Variants in CCSER1 observed in about 807,000 individuals in gnomAD.
The protein encoded by CCSER1 is serine-rich coiled-coil domain-containing protein 1.
Under a neutral mutation model 82.0 loss-of-function variants are expected in CCSER1, and 41 were observed. The observed-to-expected ratio is 0.50, with a 90% confidence interval of 0.39 to 0.65. The LOEUF (loss-of-function observed/expected upper bound fraction) is 0.65, where lower values mean the gene tolerates loss of function less well. Among genes scored for constraint, CCSER1 ranks in the 30% least tolerant of loss-of-function variants. The probability of loss-of-function intolerance (pLI) is 0.00; values close to 1 mark genes in which losing one functional copy is unlikely to be tolerated. For synonymous variants in CCSER1, 414 were observed against 383.9 expected, an observed-to-expected ratio of 1.08 and a Z score of -0.92; for missense variants, 1,119 against 1,064.2, an observed-to-expected ratio of 1.05 and a Z score of -0.72.
rs146115849 is a variant in CCSER1 at position 91,317,439 on chromosome 4, C to G, written c.2217+231445C>G. ...ATTTAAAATTATAAGCTACACCCTC[C>G]CCATTCTCTTTCACCTTGCCCCACT... is the stretch of plus-strand genomic sequence containing the variant. On this transcript the variant is annotated intron_variant, in intron 10 of 10. Transcript: ENST00000509176. Among the ~76,000 whole-genome samples the G allele has an allele frequency of 3.7e-3, 558 of 152,032 alleles. 3 individuals carry two copies. The highest frequency in any genetic ancestry group is 0.013 in the African/African-American group (520 of 41,506).
chr4:91,267,301 G>A (rs1741673791), intron 10 of CCSER1, among the ~76,000 whole-genome samples: 1 of 151,750 alleles, frequency 6.6e-6, no homozygotes, highest in Non-Finnish European at 1.5e-5. Context: ...TTTTGGGGGG[G>A]TTCTTTTCTC....
At chr4:90,708,603 T>G (rs1257479337) in intron 6 of CCSER1, among the ~76,000 whole-genome samples, 1 of 152,178 alleles carries the variant, frequency 6.6e-6, no homozygotes, top group Admixed American at 6.6e-5. Context: ...ATCAACATAG[T>G]CACTTAGGTC....
chr4:91,215,892 A>T (rs968738270), intron 10 of CCSER1, among the ~76,000 whole-genome samples: 5 of 152,174 alleles, frequency 3.3e-5, no homozygotes, highest in Admixed American at 6.5e-5. Flanking sequence ...TGCCTTGAGG[A>T]TCTGCAAAGT....
chr4:91,115,868 T>TTA (rs70965474), intron 10 of CCSER1, among the ~76,000 whole-genome samples: 1 of 146,152 alleles, frequency 6.8e-6, no homozygotes, highest in African/African-American at 2.5e-5. Flanking sequence ...TATTTTTTTT[T>TTA]ATTATACTTT....
chr4:90,945,696 G>C (rs1337332719), intron 9 of CCSER1, among the ~76,000 whole-genome samples: 4 of 152,108 alleles, frequency 2.6e-5, no homozygotes, highest in Non-Finnish European at 5.9e-5. Flanking sequence ...TTCTCGCTTA[G>C]CTTGTTTGTA....
intron 8 of CCSER1, among the ~76,000 whole-genome samples, chr4:90,899,930 A>G (rs1052398708): frequency 1.3e-5 from 2 of 151,820 alleles, no homozygotes; most frequent in Non-Finnish European, 2.9e-5. Flanking sequence ...TGTCCTTGCC[A>G]GGTTTTCGTA....
intron 6 of CCSER1, among the ~76,000 whole-genome samples, chr4:90,688,142 A>G (rs188337125): frequency 1.3e-5 from 2 of 152,292 alleles, no homozygotes; most frequent in South Asian, 2.1e-4. Context: ...TCTGGAGTCT[A>G]CCTAGGCCAC....
At chr4:91,489,005 T>G (rs555315042) in intron 10 of CCSER1, among the ~76,000 whole-genome samples, 1 of 152,210 alleles carries the variant, frequency 6.6e-6, no homozygotes, top group Admixed American at 6.5e-5. Flanking sequence ...AAGCATTATT[T>G]TGTAATCAGG....
chr4:91,262,762 T>A (rs967627697), intron 10 of CCSER1, among the ~76,000 whole-genome samples: 1 of 152,002 alleles, frequency 6.6e-6, no homozygotes, highest in Non-Finnish European at 1.5e-5. Flanking sequence ...AAGGAGATAA[T>A]TTTCAAAAAT....
chr4:91,372,089 T>A (rs1750087574), intron 10 of CCSER1, among the ~76,000 whole-genome samples: 1 of 152,218 alleles, frequency 6.6e-6, no homozygotes, highest in African/African-American at 2.4e-5. Context: ...TTTGACACAC[T>A]TCTAAAAGGA....
intron 5 of CCSER1, among the ~76,000 whole-genome samples, chr4:90,566,747 C>A (rs1490948017): frequency 6.6e-6 from 1 of 151,906 alleles, no homozygotes; most frequent in African/African-American, 2.4e-5. Flanking sequence ...GGACTACAGA[C>A]GCCCGCCACC....
intron 10 of CCSER1, among the ~76,000 whole-genome samples, chr4:91,314,240 A>G (rs1745681174): frequency 6.6e-6 from 1 of 151,948 alleles, no homozygotes; most frequent in African/African-American, 2.4e-5. Context: ...GTCTATAGTC[A>G]GTGACCATAC....
At chr4:90,374,944 C>G (rs1303545247) in intron 3 of CCSER1, among the ~76,000 whole-genome samples, 1 of 152,164 alleles carries the variant, frequency 6.6e-6, no homozygotes, top group African/African-American at 2.4e-5. Flanking sequence ...CCACGATTAT[C>G]TGTTGTTTTT....
intron 10 of CCSER1, among the ~76,000 whole-genome samples, chr4:91,564,678 T>C (rs887279301): frequency 6.6e-6 from 1 of 152,076 alleles, no homozygotes; most frequent in Non-Finnish European, 1.5e-5. Context: ...GTTGGCCACA[T>C]GTGTGCCTTC....
In CCSER1 at chr4:90,948,996, G is replaced by A. The variant is rs142108695; in HGVS notation, c.2172+25549G>A. ...TTAGCGTAACAAGAATATGTCTGAC[G>A]TGGAATGTGATAATTTTATGAGCAT... On this transcript the variant is annotated intron_variant, in intron 9 of 10. Coordinates refer to ENST00000509176, the MANE Select transcript of CCSER1 (RefSeq NM_001145065.2). Among the ~76,000 whole-genome samples the A allele has an allele frequency of 5.7e-3, 872 of 152,074 alleles. 2 individuals carry two copies. The highest frequency in any genetic ancestry group is 9.7e-3 in the Non-Finnish European group (658 of 67,918).
At chr4:91,392,268 G>C (rs1751698387) in intron 10 of CCSER1, among the ~76,000 whole-genome samples, 1 of 151,614 alleles carries the variant, frequency 6.6e-6, no homozygotes, top group Admixed American at 6.6e-5. Flanking sequence ...TTCTCTCTCT[G>C]AGATTAAGCA....
intron 4 of CCSER1, among the ~76,000 whole-genome samples, chr4:90,447,707 C>G (rs1760847654): frequency 6.6e-6 from 1 of 152,034 alleles, no homozygotes. Flanking sequence ...AAGCAAACAC[C>G]TAACAAAATA....
intron 10 of CCSER1, among the ~76,000 whole-genome samples, chr4:91,308,824 G>C (rs954706211): frequency 6.6e-6 from 1 of 151,918 alleles, no homozygotes; most frequent in Admixed American, 6.6e-5. Flanking sequence ...GGGAGCCCTA[G>C]ATTTTTTTTA....
chr4:90,743,061 A>G (rs965759920), intron 7 of CCSER1, among the ~76,000 whole-genome samples: 3 of 152,194 alleles, frequency 2.0e-5, no homozygotes, highest in Admixed American at 6.5e-5. Flanking sequence ...TGTTGATGGC[A>G]CAAATTAAAA....
Sources: gnomAD v4.1 joint callset for allele counts (sites outside exome capture counted in the v4.1 genomes callset) on GRCh38, gnomAD v4.1.1 for gene constraint, MANE v1.5 for transcripts, NCBI Gene and HGNC (gene_info 2026-07-23, HGNC 2026-07-21) for gene names.